Variants in CMYA5 observed in about 807,000 individuals in gnomAD.
The protein encoded by CMYA5 is cardiomyopathy-associated protein 5.
A neutral mutation model predicts 318.9 loss-of-function variants in CMYA5; 246 were observed. The observed-to-expected ratio is 0.77, with a 90% CI of 0.70 to 0.86. The LOEUF (loss-of-function observed/expected upper bound fraction) is 0.86. Among genes scored for constraint, CMYA5 ranks in the 40% least tolerant of loss-of-function variants. The probability of loss-of-function intolerance (pLI) is 0.00; values close to 1 mark genes in which losing one functional copy is unlikely to be tolerated. For synonymous variants in CMYA5, 1,641 were observed against 1,729.5 expected (o/e 0.95, Z 1.27); for missense variants, 4,589 against 4,678.2 (o/e 0.98, Z 0.56).
Position 79,738,996 on chromosome 5 carries a change from A to G in CMYA5, c.10231A>G (p.Arg3411Gly). 6.2e-7 allele frequency: 1 copy of G among 1,613,914 alleles called. No homozygotes were observed. The highest frequency in any genetic ancestry group is 8.5e-7 in the Non-Finnish European group (1 of 1,179,844). ...ILVPPEPSEE[R>G]LRNSPVQDEY... Reference sequence around the variant, plus strand: ...GGTCCCACCTGAGCCAAGTGAAGAGAGGCTCCGTAATAGCCCTGTTCAGGA... The same window carrying G: ...GGTCCCACCTGAGCCAAGTGAAGAGGGGCTCCGTAATAGCCCTGTTCAGGA... The change falls in exon 2 of 13, where the codon AGG becomes GGG. Residue 3411 changes from arginine (R) to glycine (G), a missense_variant. Physicochemically the swap from Arg to Gly is moderately radical, Grantham distance 125. This residue lies in a region of CMYA5 where 2,431 missense variants were observed against 2,495.1 expected (regional missense o/e 0.97). Transcript: ENST00000446378.
chr5:79,766,287 G>A (rs1248133021), intron 9 of CMYA5, among the ~76,000 whole-genome samples: 2 of 152,136 alleles, frequency 1.3e-5, no homozygotes, highest in Admixed American at 1.3e-4. Context: ...ATTTTTAGTA[G>A]AGACGGGGTT....
rs191385245 is a variant in CMYA5 at position 79,729,379 on chromosome 5, C to G, written c.614C>G (p.Thr205Ser). The G allele has an allele frequency of 1.1e-5, 17 of 1,613,710 alleles. No individual in the cohort carries two copies. The Admixed American group carries it at 2.3e-4, about 22-fold the overall frequency. ...ACCACTTCAAATACACCTCCGATTA[C>G]TGGGGCAATATACAAAGAACACAAG... ...KKTTSNTPPI[T>S]GAIYKEHKPL... The change falls in exon 2 of 13, where the codon ACT (threonine) becomes AGT (serine). Residue 205 changes from threonine (T) to serine (S), a missense_variant. Around this residue, in one of 3 missense-constraint regions of CMYA5, gnomAD observed 2,132 missense variants for 2,131.3 expected, o/e 1.00. Coordinates refer to ENST00000446378, the MANE Select transcript of CMYA5 (RefSeq NM_153610.5).
chr5:79,765,864 G>A (rs1329363982), intron 9 of CMYA5, among the ~76,000 whole-genome samples: 2 of 152,166 alleles, frequency 1.3e-5, no homozygotes, highest in Non-Finnish European at 2.9e-5. Flanking sequence ...TGCTGAAGTT[G>A]CTTATCAGCT....
chr5:79,739,641 C>T (rs890195345), intron 2 of CMYA5, among the ~76,000 whole-genome samples: 13 of 151,926 alleles, frequency 8.6e-5, no homozygotes, highest in South Asian at 2.1e-4. Context: ...ATCAACCAAC[C>T]GCAGATCAAA....
chr5:79,720,428 ATTTTT>A lies in CMYA5; in HGVS notation c.150-8466_150-8462del, dbSNP rs1159659122. On this transcript the variant is annotated intron_variant, in intron 1 of 12. Transcript: ENST00000446378. ...TAAGATAAAAATAACTGCCAATCTA[ATTTTT>A]TTTTTTTTTTTTTTTTTTTTGAGAA... 1.3e-4 allele frequency among the ~76,000 whole-genome samples: 6 copies of A among 44,812 alleles called. No homozygotes were observed. In the Admixed American group the frequency reaches 1.3e-3, roughly 10 times the overall value. 29.4% of individuals were successfully genotyped at this position (44,812 alleles called of 152,430 possible).
intron 1 of CMYA5, among the ~76,000 whole-genome samples, chr5:79,726,320 A>G (rs1827748206): frequency 6.6e-6 from 1 of 152,216 alleles, no homozygotes; most frequent in African/African-American, 2.4e-5. Flanking sequence ...GATGCATGTC[A>G]TAACCTTAAT....
At chr5:79,702,631 A>T (rs760495389) in intron 1 of CMYA5, among the ~76,000 whole-genome samples, 29 of 152,250 alleles carry the variant, frequency 1.9e-4, no homozygotes, top group Non-Finnish European at 3.5e-4. Flanking sequence ...GTGATGCTTT[A>T]GGGGCATGGG....
chr5:79,729,548 A>C lies in CMYA5; in HGVS notation c.783A>C (p.Lys261Asn), dbSNP rs756725208. Residue 261 changes from lysine to asparagine, a missense_variant, in exon 2 of 13, where the codon AAA becomes AAC. By Grantham distance (94) the Lys-to-Asn change is moderately conservative (BLOSUM62 0). This residue lies in a region of CMYA5 where 2,132 missense variants were observed against 2,131.3 expected (regional missense o/e 1.00). Coordinates refer to ENST00000446378, the MANE Select transcript of CMYA5 (RefSeq NM_153610.5). ...GYVIKEIHYR[K>N]GKDASISLEP... Reference sequence around the variant, plus strand: ...TAATTAAAGAAATACATTATAGGAAAGGGAAAGATGCATCCATTAGTCTAG... The same window carrying C: ...TAATTAAAGAAATACATTATAGGAACGGGAAAGATGCATCCATTAGTCTAG... 6.2e-7 allele frequency: 1 copy of C among 1,613,478 alleles called. No individual in the cohort carries two copies. Among genetic ancestry groups the C allele is most frequent in the East Asian group, 2.2e-5 (1 of 44,884 alleles).
chr5:79,745,940 C>T (rs1218270639), intron 4 of CMYA5, among the ~76,000 whole-genome samples: 1 of 152,164 alleles, frequency 6.6e-6, no homozygotes, highest in Non-Finnish European at 1.5e-5. Context: ...GGGTACCCCT[C>T]TCAGGTAATA....
chr5:79,786,250 C>T (rs575588366), intron 9 of CMYA5, among the ~76,000 whole-genome samples: 10 of 152,212 alleles, frequency 6.6e-5, no homozygotes, highest in Non-Finnish European at 8.8e-5. Flanking sequence ...CTAGGTGCTG[C>T]GCTGCTCACT....
intron 9 of CMYA5, among the ~76,000 whole-genome samples, chr5:79,786,268 C>T (rs570539947): frequency 2.0e-5 from 3 of 152,336 alleles, no homozygotes; most frequent in Admixed American, 1.3e-4. Flanking sequence ...ACTGCCCTCA[C>T]GTCTCTGGGA....
intron 1 of CMYA5, among the ~76,000 whole-genome samples, chr5:79,713,608 A>G (rs1348610143): frequency 1.3e-5 from 2 of 152,148 alleles, no homozygotes; most frequent in Non-Finnish European, 2.9e-5. Context: ...GCCCCAGCTC[A>G]TGGCCAAGAC....
At position 79,799,566 on chromosome 5, in the gene CMYA5, T is replaced by C; in HGVS notation, c.12160T>C (p.Cys4054Arg). 2 of 1,613,912 alleles carry C rather than the reference T, an allele frequency of 1.2e-6. No individual in the cohort carries two copies. The highest frequency in any genetic ancestry group is 1.7e-6 in the Non-Finnish European group (2 of 1,179,856). ...PAFALEKPGK[C>R]TLHLGIEPPD... Reference sequence around the variant, plus strand: ...CTTTGCCCTGGAGAAACCTGGAAAATGTACTTTGCACCTGGGGATAGAGCC... The same window carrying C: ...CTTTGCCCTGGAGAAACCTGGAAAACGTACTTTGCACCTGGGGATAGAGCC... The change falls in exon 13 of 13, where the codon TGT (cysteine) becomes CGT (arginine). Residue 4054 changes from cysteine (C) to arginine (R), a missense_variant. Physicochemically the swap from Cys to Arg is radical, Grantham distance 180 (BLOSUM62 -3). This residue lies in a region of CMYA5 where 2,431 missense variants were observed against 2,495.1 expected (regional missense o/e 0.97). Coordinates refer to ENST00000446378, the MANE Select transcript of CMYA5 (RefSeq NM_153610.5).
rs1827947820 is a variant in CMYA5 at position 79,732,759 on chromosome 5, C to T, written c.3994C>T (p.Pro1332Ser). 5 of 1,613,742 alleles carry T rather than the reference C, an allele frequency of 3.1e-6. No individual in the cohort carries two copies. In the East Asian group the frequency reaches 1.1e-4, roughly 36 times the overall value. ...GGAAAAGCAAGTTGAACATGGTCCA[C>T]CTGCACTAGCATTTTCAGCTTTGTC... is the stretch of plus-strand genomic sequence containing the variant. The part of the protein sequence containing the change: ...GVEKQVEHGP[P>S]ALAFSALSEE... The change falls in exon 2 of 13, where the codon CCT becomes TCT. Residue 1332 changes from proline (P) to serine (S), a missense_variant. Transcript: ENST00000446378.
intron 1 of CMYA5, among the ~76,000 whole-genome samples, chr5:79,714,714 A>G (rs2151079564): frequency 6.6e-6 from 1 of 152,292 alleles, no homozygotes; most frequent in Middle Eastern, 3.4e-3. Flanking sequence ...TGCTGGGATT[A>G]CAGGCATGAG....
At chr5:79,759,788 T>C (rs1447234161) in intron 7 of CMYA5, among the ~76,000 whole-genome samples, 1 of 152,182 alleles carries the variant, frequency 6.6e-6, no homozygotes, top group Non-Finnish European at 1.5e-5. Flanking sequence ...TACTAATATT[T>C]AAGTCTTTTG....
intron 9 of CMYA5, among the ~76,000 whole-genome samples, chr5:79,778,817 G>GTGTGTGTGTGTGTGTGTGTA (rs1828994844): frequency 2.7e-5 from 3 of 112,910 alleles, no homozygotes; most frequent in Admixed American, 9.3e-5. Context: ...CTTTCTGTGT[G>GTGTGTGTGTGTGTGTGTGTA]TGTGTGTGTG....
In CMYA5 at chr5:79,734,980, C is replaced by T. The variant is rs1194008908; in HGVS notation, c.6215C>T (p.Ala2072Val). 6.2e-7 allele frequency: 1 copy of T among 1,613,684 alleles called. No homozygotes were observed. Among genetic ancestry groups the T allele is most frequent in the Admixed American group, 1.7e-5 (1 of 59,968 alleles). The stretch of plus-strand genomic sequence containing the variant: ...ACAATCTCCTCTTCTGTCAAAACAG[C>T]CCATTTCCCGGCAGAAGGTGTGGAA... ...SETISSSVKT[A>V]HFPAEGVEPA... is the part of the protein sequence containing the mutation. The change falls in exon 2 of 13, where the codon GCC becomes GTC. Residue 2072 changes from alanine to valine, a missense_variant. This residue lies in a region of CMYA5 where 2,431 missense variants were observed against 2,495.1 expected (regional missense o/e 0.97). Coordinates refer to ENST00000446378, the MANE Select transcript of CMYA5 (RefSeq NM_153610.5).
At chr5:79,704,217 A>G (rs1052190516) in intron 1 of CMYA5, among the ~76,000 whole-genome samples, 5 of 151,912 alleles carry the variant, frequency 3.3e-5, no homozygotes, top group South Asian at 2.1e-4. Flanking sequence ...AAAAAAAAAA[A>G]GGTATTTAAT....
Sources: gnomAD v4.1 joint callset for allele counts (sites outside exome capture counted in the v4.1 genomes callset) on GRCh38, gnomAD v4.1.1 for gene constraint, gnomAD v4.1.1 regional missense constraint, MANE v1.5 for transcripts, NCBI Gene and HGNC (gene_info 2026-07-23, HGNC 2026-07-21) for gene names.